Variants in PPA2 observed in about 807,000 individuals in gnomAD.
PPA2 encodes inorganic pyrophosphatase 2.
Under a neutral mutation model 49.5 loss-of-function variants are expected in PPA2, and 48 were observed. That is an observed-to-expected ratio of 0.97 (90% CI 0.77 to 1.23). PPA2 has a LOEUF of 1.23. PPA2 is among the 50% of genes most tolerant of loss of function. PPA2 has a pLI of 0.00. For missense variants in PPA2, 429 were observed against 410.1 expected, an observed-to-expected ratio of 1.05 and a Z score of -0.40; for synonymous variants, 131 against 139.9, an observed-to-expected ratio of 0.94 and a Z score of 0.45.
intron 7 of PPA2, chr4:105,399,420 G>GA: frequency 3.6e-6 from 1 of 277,238 alleles, no homozygotes; most frequent in Non-Finnish European, 6.6e-6. Context: ...TATGTATGGG[G>GA]AATAAATGGA....
At chr4:105,386,700 C>G (rs1308696788) in intron 9 of PPA2, 64 bp from the exon 10 acceptor site, 1 of 1,363,286 alleles carries the variant, frequency 7.3e-7, no homozygotes, top group East Asian at 2.4e-5. Flanking sequence ...CAAAAAAACC[C>G]CAAAAACTAA....
chr4:105,419,651 T>A (rs574870352), intron 7 of PPA2, among the ~76,000 whole-genome samples: 8 of 152,246 alleles, frequency 5.3e-5, no homozygotes, highest in African/African-American at 1.9e-4. Flanking sequence ...TCAGTCATCA[T>A]AGGTAAAAAC....
chr4:105,474,000 G>C lies in PPA2; in HGVS notation c.51C>G (p.Cys17Trp), dbSNP rs1723655620. 1 of 1,605,890 alleles carries C rather than the reference G, an allele frequency of 6.2e-7. No homozygotes were observed. The highest frequency in any genetic ancestry group is 1.3e-5 in the African/African-American group (1 of 74,594). Residue 17 changes from cysteine (C) to tryptophan (W), a missense_variant, in exon 1 of 12, where the codon TGC becomes TGG. Physicochemically the swap from Cys to Trp is radical, Grantham distance 215 (BLOSUM62 -2). Coordinates refer to ENST00000341695, the MANE Select transcript of PPA2 (RefSeq NM_176869.3). ...TCCCTGCACTGGTCCCCAACCGCAG[G>C]CACGCAGCGGCTGGGGCACCCGTGC... ...LLRTGAPAAACLRLGTSAGTG... is the reference protein window; with the variant it reads ...LLRTGAPAAAWLRLGTSAGTG...
At chr4:105,458,802 C>T (rs1301298952) in intron 1 of PPA2, among the ~76,000 whole-genome samples, 1 of 109,796 alleles carries the variant, frequency 9.1e-6, no homozygotes, top group Non-Finnish European at 1.7e-5. Flanking sequence ...AGCCTGGCGA[C>T]ACAAGACTCC....
intron 9 of PPA2, among the ~76,000 whole-genome samples, chr4:105,392,909 A>G (rs773743002): frequency 6.6e-6 from 1 of 152,210 alleles, no homozygotes; most frequent in Non-Finnish European, 1.5e-5. Context: ...AGGAATACAG[A>G]GAGTACTGGC....
At chr4:105,415,480 C>T (rs914591710) in intron 7 of PPA2, among the ~76,000 whole-genome samples, 1 of 152,238 alleles carries the variant, frequency 6.6e-6, no homozygotes, top group African/African-American at 2.4e-5. Flanking sequence ...TCGGCCTCGA[C>T]TTCACTCCAA....
At chr4:105,404,563 C>T (rs1269086687) in intron 7 of PPA2, among the ~76,000 whole-genome samples, 1 of 152,102 alleles carries the variant, frequency 6.6e-6, no homozygotes, top group Non-Finnish European at 1.5e-5. Context: ...TATTGTATCA[C>T]TTTGGGAAAA....
intron 1 of PPA2, among the ~76,000 whole-genome samples, chr4:105,460,738 G>C (rs776905393): frequency 2.0e-5 from 3 of 152,012 alleles, no homozygotes; most frequent in African/African-American, 4.8e-5. Context: ...GAAAAGCCAG[G>C]CTGCCTTTGT....
chr4:105,431,626 C>T (rs754781509), intron 6 of PPA2, among the ~76,000 whole-genome samples: 1 of 152,114 alleles, frequency 6.6e-6, no homozygotes, highest in Non-Finnish European at 1.5e-5. Flanking sequence ...AAAACTCATA[C>T]ATGAATGTTC....
intron 10 of PPA2, among the ~76,000 whole-genome samples, chr4:105,377,298 T>C (rs537239056): frequency 7.2e-5 from 11 of 152,186 alleles, no homozygotes; most frequent in African/African-American, 9.6e-5. Flanking sequence ...ACTACACTTA[T>C]AGCAGTAATG....
chr4:105,441,152 G>A (rs1283412378), intron 5 of PPA2, among the ~76,000 whole-genome samples: 1 of 152,108 alleles, frequency 6.6e-6, no homozygotes, highest in Non-Finnish European at 1.5e-5. Flanking sequence ...ACAAACACTG[G>A]AGAAGAAATA....
At chr4:105,375,122 T>C (rs2110360995) in intron 10 of PPA2, among the ~76,000 whole-genome samples, 1 of 152,236 alleles carries the variant, frequency 6.6e-6, no homozygotes, top group Middle Eastern at 3.4e-3. Flanking sequence ...TCTTAGTTAT[T>C]CATAAAGAAG....
chr4:105,456,877 CTTAAAG>C, intron 1 of PPA2, 132 bp from the exon 2 acceptor site: 1 of 609,730 alleles, frequency 1.6e-6, no homozygotes, highest in Non-Finnish European at 2.6e-6. Flanking sequence ...TAACTCCCAA[CTTAAAG>C]TTAATTCAAC....
At chr4:105,473,525 T>A (rs747104498) in intron 1 of PPA2, 5 of 490,888 alleles carry the variant, frequency 1.0e-5, no homozygotes, top group African/African-American at 2.0e-5. Context: ...CCTCACTGAG[T>A]TGTGTGAACC....
chr4:105,403,536 T>C (rs1165772435), intron 7 of PPA2, among the ~76,000 whole-genome samples: 1 of 152,142 alleles, frequency 6.6e-6, no homozygotes, highest in Non-Finnish European at 1.5e-5. Context: ...TATAAATACA[T>C]TGAAAATATT....
In PPA2 at chr4:105,449,401, A is replaced by T. The variant is rs1722569684; in HGVS notation, c.270T>A (p.Asn90Lys). The T allele has an allele frequency of 1.9e-6, 3 of 1,570,786 alleles. No individual in the cohort carries two copies. The highest frequency in any genetic ancestry group is 3.6e-5 in the Admixed American group (2 of 55,250). Reference protein sequence around the residue: ...MKKARNDEYENLFNMIVEIPR... With the variant: ...MKKARNDEYEKLFNMIVEIPR... ...GTATTTCTACAATCATATTAAACAG[A>T]TTCTGCAGTTAAAAACAAAACAAAG... Residue 90 changes from asparagine (N) to lysine (K), a missense_variant and splice_region_variant, in exon 4 of 12, where the codon AAT becomes AAA. Asn to Lys is a moderately conservative substitution (Grantham distance 94, BLOSUM62 0). Transcript: ENST00000341695.
chr4:105,408,566 T>C (rs973938174), intron 7 of PPA2, among the ~76,000 whole-genome samples: 2 of 152,154 alleles, frequency 1.3e-5, no homozygotes, highest in African/African-American at 4.8e-5. Flanking sequence ...CTGAAAGATA[T>C]TTGAGGTCAA....
chr4:105,460,667 A>T (rs1012994807), intron 1 of PPA2, among the ~76,000 whole-genome samples: 2 of 152,178 alleles, frequency 1.3e-5, no homozygotes, highest in Non-Finnish European at 1.5e-5. Flanking sequence ...CAGCTCTAAG[A>T]ATCCAGGAAG....
chr4:105,468,629 T>C (rs562503997), intron 1 of PPA2, among the ~76,000 whole-genome samples: 4 of 152,126 alleles, frequency 2.6e-5, no homozygotes, highest in Admixed American at 6.5e-5. Flanking sequence ...AAAAAATCAC[T>C]GGGAACTCTG....
Sources: allele counts gnomAD v4.1 joint callset (sites outside exome capture counted in the v4.1 genomes callset), GRCh38; gene constraint gnomAD v4.1.1; transcripts MANE v1.5; gene names NCBI Gene and HGNC (gene_info 2026-07-23, HGNC 2026-07-21).